ABLIM1: variants seen among roughly 807,000 people sequenced by gnomAD.
ABLIM1 encodes actin-binding LIM protein 1.
A neutral mutation model predicts 107.0 loss-of-function variants in ABLIM1; 40 were observed. The observed-to-expected ratio is 0.37, with a 90% CI of 0.29 to 0.49. ABLIM1 has a LOEUF of 0.49. Among genes scored for constraint, ABLIM1 ranks in the 20% least tolerant of loss-of-function variants. ABLIM1 has a pLI of 0.97. For missense variants in ABLIM1, 857 were observed against 1,008.5 expected (o/e 0.85, Z 2.04); for synonymous variants, 357 against 357.3 (o/e 1.00, Z 0.01).
chr10:114,513,783 G>A (rs1174580550), intron 6 of ABLIM1, among the ~76,000 whole-genome samples: 2 of 152,144 alleles, frequency 1.3e-5, no homozygotes, highest in African/African-American at 2.4e-5. Context: ...GAAAGGTGTC[G>A]ATGCCAACAC....
intron 1 of ABLIM1, among the ~76,000 whole-genome samples, chr10:114,730,397 C>CAAAAAAAAAAAAA (rs59713925): frequency 1.4e-5 from 1 of 73,142 alleles, no homozygotes; most frequent in Non-Finnish European, 2.8e-5. Flanking sequence ...AACTCCATCT[C>CAAAAAAAAAAAAA]AAAAAAAAAA....
Position 114,619,303 on chromosome 10 carries a change from TCTC to T in ABLIM1, c.245-17345_245-17343del, listed in dbSNP as rs2077321695. On this transcript the variant is annotated intron_variant, in intron 1 of 22. Transcript: ENST00000533213. The surrounding 1 kb of genome is among the most constrained non-coding windows in gnomAD (Gnocchi z 4.1). ...CGTCCACCTCCCAGGTTCAAGCAAT[TCTC>T]CTGCCTCAGCCTCCCGAGCAGCTGG... is the stretch of plus-strand genomic sequence containing the variant. Among the ~76,000 whole-genome samples the T allele has an allele frequency of 1.3e-5, 2 of 151,808 alleles. No individual in the cohort carries two copies. The highest frequency in any genetic ancestry group is 2.4e-5 in the African/African-American group (1 of 41,290).
chr10:114,488,071 C>T (rs972347564), intron 7 of ABLIM1, 55 bp from the exon 8 acceptor site: 12 of 1,576,842 alleles, frequency 7.6e-6, no homozygotes, highest in African/African-American at 1.3e-5. Context: ...ATACAAAGTC[C>T]TCTGAGACAG....
chr10:114,491,609 C>T (rs960153608), intron 7 of ABLIM1, among the ~76,000 whole-genome samples, 182 bp downstream of exon 7: 1 of 152,126 alleles, frequency 6.6e-6, no homozygotes, highest in Non-Finnish European at 1.5e-5. Context: ...TCACTGCCAG[C>T]ATGTCAACTG....
chr10:114,781,637 C>CGT, the ABLIM1 span, among the ~76,000 whole-genome samples: 9 of 135,290 alleles, frequency 6.7e-5, no homozygotes, highest in South Asian at 9.6e-4. Context: ...TATATATGCA[C>CGT]GTGTGTGTGT....
At chr10:114,599,312 A>G (rs1215049369) in intron 2 of ABLIM1, among the ~76,000 whole-genome samples, 1 of 152,232 alleles carries the variant, frequency 6.6e-6, no homozygotes, top group Non-Finnish European at 1.5e-5. Flanking sequence ...ACTTTCCAAG[A>G]TGAGGAATTT....
At chr10:114,628,448 C>A (rs2077959763) in intron 1 of ABLIM1, among the ~76,000 whole-genome samples, 1 of 152,182 alleles carries the variant, frequency 6.6e-6, no homozygotes, top group South Asian at 2.1e-4. Context: ...AAACCTTGCT[C>A]TAGAAAAAGT....
At chr10:114,515,085 A>C (rs781547615) in intron 6 of ABLIM1, among the ~76,000 whole-genome samples, 1 of 152,228 alleles carries the variant, frequency 6.6e-6, no homozygotes, top group African/African-American at 2.4e-5. Flanking sequence ...GAGCGCGTGC[A>C]TAAAATCACA....
intron 1 of ABLIM1, among the ~76,000 whole-genome samples, chr10:114,606,876 T>C (rs2076451722): frequency 6.6e-6 from 1 of 152,198 alleles, no homozygotes; most frequent in South Asian, 2.1e-4. Context: ...TGACTTCTAA[T>C]CCAGACCTCT....
chr10:114,539,610 G>A (rs1591027086), intron 6 of ABLIM1, among the ~76,000 whole-genome samples: 1 of 152,264 alleles, frequency 6.6e-6, no homozygotes, highest in East Asian at 1.9e-4. Flanking sequence ...CCCACCATGA[G>A]CTGCCTTCAT....
At chr10:114,601,065 C>G (rs1265130807) in intron 2 of ABLIM1, among the ~76,000 whole-genome samples, 1 of 47,248 alleles carries the variant, frequency 2.1e-5, no homozygotes, top group Non-Finnish European at 6.4e-5. Context: ...CACACACACA[C>G]ACACACACAC....
In ABLIM1 at chr10:114,434,872, G is replaced by A. The variant is rs1008896730; in HGVS notation, c.*1388C>T. 1 of 152,146 alleles carries A rather than the reference G, an allele frequency of 6.6e-6. No individual in the cohort carries two copies. The highest frequency in any genetic ancestry group is 1.5e-5 in the Non-Finnish European group (1 of 68,042). The allele number at this position is 152,146 out of a possible 1,614,324, so 9.4% of individuals were successfully genotyped here. On this transcript the variant is annotated 3_prime_UTR_variant, in exon 23 of 23. Transcript: ENST00000533213. ...CATCCCACCTCATCCTTCCTCTGTG[G>A]TTCCCAGTCTGATCCTTCCATGAGC...
intron 1 of ABLIM1, among the ~76,000 whole-genome samples, chr10:114,680,906 T>C (rs546871384): frequency 2.6e-5 from 4 of 152,292 alleles, no homozygotes; most frequent in Non-Finnish European, 5.9e-5. Context: ...TGTAAATTAA[T>C]TACAGCAGAA....
At chr10:114,797,802 G>A in the ABLIM1 span, among the ~76,000 whole-genome samples, 1 of 152,148 alleles carries the variant, frequency 6.6e-6, no homozygotes, top group Non-Finnish European at 1.5e-5. Flanking sequence ...ATGGCCTTCT[G>A]GGGCTAAAGT....
intron 6 of ABLIM1, among the ~76,000 whole-genome samples, chr10:114,544,553 C>T (rs1191868280): frequency 6.6e-6 from 1 of 152,170 alleles, no homozygotes; most frequent in African/African-American, 2.4e-5. Context: ...TTGGGGAAGC[C>T]AATGCCTCTA....
intron 1 of ABLIM1, among the ~76,000 whole-genome samples, chr10:114,708,192 CAA>C (rs1406509531): frequency 6.6e-6 from 1 of 152,158 alleles, no homozygotes; most frequent in East Asian, 1.9e-4. Flanking sequence ...TACCTCCAGA[CAA>C]AGTGATCCAG....
At chr10:114,611,667 C>G (rs1383230976) in intron 1 of ABLIM1, among the ~76,000 whole-genome samples, 1 of 152,170 alleles carries the variant, frequency 6.6e-6, no homozygotes, top group East Asian at 1.9e-4. Context: ...CTAGGATTAT[C>G]ATAATTCAGC....
chr10:114,760,814 A>G (rs549388250), intron 1 of ABLIM1, among the ~76,000 whole-genome samples: 2 of 152,350 alleles, frequency 1.3e-5, no homozygotes, highest in African/African-American at 2.4e-5. Context: ...GTCCAAAATG[A>G]TCTCTCTCAT....
At chr10:114,485,387 T>C in intron 8 of ABLIM1, 2 of 1,609,634 alleles carry the variant, frequency 1.2e-6, no homozygotes, top group Non-Finnish European at 1.7e-6. Flanking sequence ...GCAGCTGCCA[T>C]GAAACATGAG....
Sources: allele counts gnomAD v4.1 joint callset (sites outside exome capture counted in the v4.1 genomes callset), GRCh38; gene constraint gnomAD v4.1.1; non-coding constraint Gnocchi (gnomAD v3.1); transcripts MANE v1.5; gene names NCBI Gene and HGNC (gene_info 2026-07-23, HGNC 2026-07-21).